The following JPH3 variants were observed in gnomAD, a reference collection of about 807,000 sequenced individuals.
JPH3 encodes junctophilin 3.
A neutral mutation model predicts 59.6 loss-of-function variants in JPH3; 11 were observed. The observed-to-expected ratio is 0.18, with a 90% confidence interval of 0.12 to 0.31. JPH3 has a LOEUF of 0.31. Ranked by LOEUF, JPH3 falls within the 10% of genes least tolerant of loss-of-function variation. The probability of loss-of-function intolerance (pLI) is 1.00; values close to 1 mark genes in which losing one functional copy is unlikely to be tolerated. For synonymous variants in JPH3, 673 were observed against 483.6 expected (o/e 1.39, Z -5.14); for missense variants, 1,202 against 1,105.7 (o/e 1.09, Z -1.24).
chr16:87,650,267 G>T, intron 2 of JPH3, among the ~76,000 whole-genome samples: 1 of 152,194 alleles, frequency 6.6e-6, no homozygotes, highest in Non-Finnish European at 1.5e-5. Flanking sequence ...GGTCTTTGAG[G>T]TTACTAGTGT....
intron 2 of JPH3, among the ~76,000 whole-genome samples, chr16:87,682,437 G>A (rs1448284258): frequency 2.6e-5 from 4 of 152,168 alleles, no homozygotes; most frequent in Non-Finnish European, 4.4e-5. Context: ...AGGATGTGGG[G>A]CCTTTGGGAG....
intron 1 of JPH3, among the ~76,000 whole-genome samples, chr16:87,623,486 A>G (rs1051674830): frequency 1.3e-5 from 2 of 152,228 alleles, no homozygotes; most frequent in African/African-American, 4.8e-5. Context: ...CGATGTGGCC[A>G]GTACCACTGT....
intron 1 of JPH3, among the ~76,000 whole-genome samples, chr16:87,626,536 G>C (rs1374402584): frequency 1.3e-5 from 2 of 152,238 alleles, no homozygotes; most frequent in Admixed American, 1.3e-4. Flanking sequence ...TTTTCCCCGA[G>C]GTGCCGGCTC....
In JPH3 at chr16:87,616,270, A is replaced by G. The variant is rs193256260; in HGVS notation, c.382+12742A>G. Among the ~76,000 whole-genome samples the G allele has an allele frequency of 3.0e-3, 370 of 123,938 alleles. 3 individuals are homozygous for G. Among genetic ancestry groups the G allele is most frequent in the Middle Eastern group, 0.01 (2 of 192 alleles). The allele number at this position is 123,938 out of a possible 152,430, so 81.3% of individuals were successfully genotyped here. A position where few individuals can be genotyped will look rare whatever the true frequency, so the allele number is the denominator to read the frequency against. ...TTTTTTTGAGACAGAGTCTTGTTCT[A>G]TTGCCCAGGCGGGAGAGCAGTGGCG... On this transcript the variant is annotated intron_variant, in intron 1 of 4. Coordinates refer to ENST00000284262, the MANE Select transcript of JPH3 (RefSeq NM_020655.4).
At chr16:87,650,717 C>G (rs2032301014) in intron 2 of JPH3, among the ~76,000 whole-genome samples, 1 of 152,236 alleles carries the variant, frequency 6.6e-6, no homozygotes. Flanking sequence ...AAACTAACCA[C>G]AAGCCTGATC....
chr16:87,619,958 C>G (rs7191872), intron 1 of JPH3, among the ~76,000 whole-genome samples: 39,035 of 152,078 alleles, frequency 0.26, 5,897 homozygotes, highest in Non-Finnish European at 0.36. Flanking sequence ...GCACCAGGGA[C>G]AGAAGGAACA....
intron 2 of JPH3, among the ~76,000 whole-genome samples, chr16:87,649,129 G>A (rs1424496059): frequency 6.6e-6 from 1 of 151,956 alleles, no homozygotes; most frequent in African/African-American, 2.4e-5. Flanking sequence ...CTCTGCTGCA[G>A]AGAGGGGCGG....
At chr16:87,658,740 C>CT (rs1455055016) in intron 2 of JPH3, among the ~76,000 whole-genome samples, 2 of 152,172 alleles carry the variant, frequency 1.3e-5, no homozygotes, top group African/African-American at 4.8e-5. Context: ...GAAGAGCTGC[C>CT]TTTCCTAAGC....
At chr16:87,673,680 C>T (rs1162795410) in intron 2 of JPH3, among the ~76,000 whole-genome samples, 1 of 152,170 alleles carries the variant, frequency 6.6e-6, no homozygotes, top group Admixed American at 6.5e-5. Context: ...AATCCCAGTA[C>T]TTTGGGAGGC....
chr16:87,648,788 C>T (rs944304986), intron 2 of JPH3, among the ~76,000 whole-genome samples: 11 of 152,156 alleles, frequency 7.2e-5, no homozygotes, highest in Non-Finnish European at 5.9e-5. Flanking sequence ...TCGGAGCCTT[C>T]GAGGCTCTCC....
At chr16:87,649,498 C>G in intron 2 of JPH3, among the ~76,000 whole-genome samples, 1 of 152,222 alleles carries the variant, frequency 6.6e-6, no homozygotes, top group East Asian at 1.9e-4. Flanking sequence ...TGTCCTTGAT[C>G]TGCTGCTCAC....
At chr16:87,633,911 A>G (rs975090739) in intron 1 of JPH3, among the ~76,000 whole-genome samples, 1 of 151,810 alleles carries the variant, frequency 6.6e-6, no homozygotes, top group African/African-American at 2.4e-5. Context: ...CTTGCTTTTG[A>G]CCAAGCAATT....
Position 87,603,060 on chromosome 16 carries a change from C to T in JPH3, c.-87C>T, listed in dbSNP as rs1378076242. 5.7e-6 allele frequency: 9 copies of T among 1,568,920 alleles called. No individual in the cohort carries two copies. The highest frequency in any genetic ancestry group is 1.2e-5 in the South Asian group (1 of 86,286). On this transcript the variant is annotated 5_prime_UTR_variant, in exon 1 of 5. Transcript: ENST00000284262. ...CTCTCCTCCGGAAAACGCTCGCGAC[C>T]CAGGGCCGCCGGCGGCCGCGACTCT... is the stretch of plus-strand genomic sequence containing the variant.
chr16:87,670,267 G>T (rs1223789153), intron 2 of JPH3, among the ~76,000 whole-genome samples: 1 of 152,172 alleles, frequency 6.6e-6, no homozygotes, highest in Non-Finnish European at 1.5e-5. Context: ...TCAGAATGGT[G>T]GTGCCTCCTG....
chr16:87,625,673 G>C (rs1174917704), intron 1 of JPH3, among the ~76,000 whole-genome samples: 1 of 152,158 alleles, frequency 6.6e-6, no homozygotes, highest in Non-Finnish European at 1.5e-5. Flanking sequence ...CCTTCATCAA[G>C]CTGTAATGAA....
At chr16:87,604,891 A>G (rs1271444554) in intron 1 of JPH3, 9 of 412,162 alleles carry the variant, frequency 2.2e-5, no homozygotes, top group African/African-American at 1.2e-4. Context: ...TGTTGTTTTC[A>G]TGGAGCAGGT....
chr16:87,622,102 G>A (rs115334381), intron 1 of JPH3, among the ~76,000 whole-genome samples: 48,421 of 151,240 alleles, frequency 0.32, 8,002 homozygotes, highest in African/African-American at 0.38. Context: ...CAGGTGTCAG[G>A]GGGGGGCCCC....
chr16:87,648,468 C>A (rs558886507), intron 2 of JPH3, among the ~76,000 whole-genome samples: 1 of 152,260 alleles, frequency 6.6e-6, no homozygotes, highest in East Asian at 1.9e-4. Flanking sequence ...TCCTCACCCG[C>A]CCCGGCCGGC....
chr16:87,648,925 C>G (rs541765439), intron 2 of JPH3, among the ~76,000 whole-genome samples: 1 of 152,306 alleles, frequency 6.6e-6, no homozygotes, highest in Non-Finnish European at 1.5e-5. Context: ...TGCTGCTGGC[C>G]TGAGCGTCCC....
Sources: allele counts gnomAD v4.1 joint callset (sites outside exome capture counted in the v4.1 genomes callset), GRCh38; gene constraint gnomAD v4.1.1; transcripts MANE v1.5; gene names NCBI Gene and HGNC (gene_info 2026-07-23, HGNC 2026-07-21).